Variants in WWC1 observed in about 807,000 individuals in gnomAD.
The protein encoded by WWC1 is protein KIBRA.
WWC1 carries 55 observed loss-of-function variants against 138.4 expected under a neutral mutation model. The observed-to-expected ratio is 0.40, with a 90% CI of 0.32 to 0.50. WWC1 has a LOEUF of 0.50. Among genes scored for constraint, WWC1 ranks in the 20% least tolerant of loss-of-function variants. WWC1 has a pLI of 0.72. For synonymous variants in WWC1, 524 were observed against 564.9 expected, an observed-to-expected ratio of 0.93 and a Z score of 1.03; for missense variants, 1,226 against 1,420.4, an observed-to-expected ratio of 0.86 and a Z score of 2.20.
At chr5:168,455,645 C>T (rs1484083129) in intron 19 of WWC1, 125 bp downstream of exon 19, 1 of 1,202,442 alleles carries the variant, frequency 8.3e-7, no homozygotes, top group Non-Finnish European at 1.2e-6. Context: ...ACCTCAGAGC[C>T]TCAGTTTCCT....
chr5:168,403,048 TTCTTTC>T (rs1779467016), intron 5 of WWC1, among the ~76,000 whole-genome samples: 1 of 134,694 alleles, frequency 7.4e-6, no homozygotes, highest in Non-Finnish European at 1.6e-5. Context: ...CTTTCTTTCT[TTCTTTC>T]TTTCTTTCTT....
At chr5:168,317,382 A>AGGAAGTCCTGCCTCCT (rs1275469447) in intron 1 of WWC1, among the ~76,000 whole-genome samples, 1 of 152,174 alleles carries the variant, frequency 6.6e-6, no homozygotes, top group African/African-American at 2.4e-5. Flanking sequence ...CAGGCACTGG[A>AGGAAGTCCTGCCTCCT]GGAAGTCCTG....
chr5:168,449,060 A>G (rs1478846823), intron 17 of WWC1, among the ~76,000 whole-genome samples: 2 of 152,214 alleles, frequency 1.3e-5, no homozygotes, highest in African/African-American at 4.8e-5. Context: ...ATAAGGCTAA[A>G]TGGCCTTCAG....
rs1218211720 is a variant in WWC1, at chr5:168,364,389, C to T, written c.120-7035C>T. ...GGCCCGTTGGCCTTTCGCGTCTATA[C>T]TGCTGACGTAGCACCTTATTAAATA... is the stretch of plus-strand genomic sequence containing the variant. On this transcript the variant is annotated intron_variant, in intron 1 of 22. Coordinates refer to ENST00000265293, the MANE Select transcript of WWC1 (RefSeq NM_015238.3). 4.6e-5 allele frequency among the ~76,000 whole-genome samples: 7 copies of T among 152,164 alleles called. No individual in the cohort carries two copies. The East Asian group carries it at 1.4e-3, about 29-fold the overall frequency.
chr5:168,319,851 AT>A (rs1408251748), intron 1 of WWC1, among the ~76,000 whole-genome samples: 3 of 152,074 alleles, frequency 2.0e-5, no homozygotes, highest in Non-Finnish European at 2.9e-5. Flanking sequence ...GTTTTCCACT[AT>A]TTTACATTCC....
intron 12 of WWC1, 78 bp downstream of exon 12, chr5:168,428,219 G>A (rs1433543855): frequency 1.0e-5 from 15 of 1,440,786 alleles, no homozygotes; most frequent in South Asian, 1.2e-5. Flanking sequence ...GGCCTGTGGA[G>A]AGGCTTAGGT....
At chr5:168,297,279 C>T (rs1354035117) in intron 1 of WWC1, among the ~76,000 whole-genome samples, 5 of 152,152 alleles carry the variant, frequency 3.3e-5, no homozygotes, top group Non-Finnish European at 2.9e-5. Flanking sequence ...CCCAATTTTG[C>T]AGCTGGAGTG....
intron 19 of WWC1, among the ~76,000 whole-genome samples, chr5:168,456,555 G>C (rs945627226): frequency 2.0e-5 from 3 of 151,816 alleles, no homozygotes; most frequent in African/African-American, 7.3e-5. Context: ...CCTTGAACCC[G>C]GGGGGCAGAG....
At chr5:168,349,083 G>A (rs1397053431) in intron 1 of WWC1, among the ~76,000 whole-genome samples, 2 of 152,120 alleles carry the variant, frequency 1.3e-5, no homozygotes, top group Non-Finnish European at 2.9e-5. Context: ...GTGACAGAGC[G>A]AGTTGTTGAA....
chr5:168,467,580 A>C, intron 21 of WWC1: 1 of 417,972 alleles, frequency 2.4e-6, no homozygotes, highest in Non-Finnish European at 4.3e-6. Context: ...GATTAGAGGT[A>C]GCGCACATTT....
intron 3 of WWC1, among the ~76,000 whole-genome samples, chr5:168,393,563 G>T (rs139576401): frequency 2.6e-3 from 400 of 152,296 alleles, no homozygotes; most frequent in Middle Eastern, 0.017. Flanking sequence ...GCTATTTTCA[G>T]ACGTGTGAGA....
Position 168,469,170 on chromosome 5 carries a change from C to A in WWC1, c.*153C>A. 2.7e-6 allele frequency: 2 copies of A among 748,330 alleles called. No homozygotes were observed. Among genetic ancestry groups the A allele is most frequent in the Non-Finnish European group, 2.1e-6 (1 of 466,168 alleles). The allele number at this position is 748,330 out of a possible 1,614,324, so 46.4% of individuals were successfully genotyped here. Reference sequence around the variant, plus strand: ...GATGAACCGACTTTTTAGTTTGGGTCCTACTGTTGTTATTAAAAACAGAAC... The same window carrying A: ...GATGAACCGACTTTTTAGTTTGGGTACTACTGTTGTTATTAAAAACAGAAC... On this transcript the variant is annotated 3_prime_UTR_variant, in exon 23 of 23. Coordinates refer to ENST00000265293, the MANE Select transcript of WWC1 (RefSeq NM_015238.3).
intron 5 of WWC1, among the ~76,000 whole-genome samples, chr5:168,402,056 C>T (rs17731641): frequency 0.19 from 28,745 of 152,140 alleles, 3,016 homozygotes; most frequent in South Asian, 0.39. Context: ...CTCTGAGCCA[C>T]TGCAAACCTG....
At chr5:168,440,822 G>T (rs779280046) in intron 15 of WWC1, among the ~76,000 whole-genome samples, 1 of 152,106 alleles carries the variant, frequency 6.6e-6, no homozygotes, top group Non-Finnish European at 1.5e-5. Context: ...CGGCCTGAAA[G>T]CAGGTTCTTA....
chr5:168,408,461 C>A, intron 6 of WWC1, 46 bp from the exon 7 acceptor site: 1 of 1,601,284 alleles, frequency 6.2e-7, no homozygotes, highest in East Asian at 2.2e-5. Flanking sequence ...ACCCAGAGCT[C>A]CCTCCTGGGA....
intron 8 of WWC1, among the ~76,000 whole-genome samples, chr5:168,410,368 A>C (rs1204666051): frequency 1.3e-5 from 2 of 152,212 alleles, no homozygotes; most frequent in Non-Finnish European, 2.9e-5. Context: ...GATTATGGAC[A>C]CTACCCACTT....
intron 9 of WWC1, among the ~76,000 whole-genome samples, chr5:168,418,522 G>C (rs1409846484): frequency 6.6e-6 from 1 of 152,116 alleles, no homozygotes; most frequent in East Asian, 1.9e-4. Flanking sequence ...GCGTGTGCCA[G>C]GCATCTCACA....
chr5:168,441,118 G>A (rs1385751231), intron 15 of WWC1, among the ~76,000 whole-genome samples: 4 of 152,140 alleles, frequency 2.6e-5, no homozygotes, highest in South Asian at 4.1e-4. Context: ...TACATGCTGC[G>A]ACACAGGTGG....
intron 8 of WWC1, among the ~76,000 whole-genome samples, chr5:168,413,497 T>C (rs1422419): frequency 0.47 from 71,416 of 152,104 alleles, 20,199 homozygotes; most frequent in African/African-American, 0.78. Flanking sequence ...GATGAGGATA[T>C]GGAGTCTTAG....
Sources: allele counts gnomAD v4.1 joint callset (sites outside exome capture counted in the v4.1 genomes callset), GRCh38; gene constraint gnomAD v4.1.1; transcripts MANE v1.5; gene names NCBI Gene and HGNC (gene_info 2026-07-23, HGNC 2026-07-21).